Variants in SLCO3A1 observed in about 807,000 individuals in gnomAD.
SLCO3A1 encodes the protein PGE1 transporter.
A neutral mutation model predicts 63.1 loss-of-function variants in SLCO3A1; 27 were observed. The ratio of observed to expected loss-of-function variants is 0.43; its 90% CI spans 0.32 to 0.59. The LOEUF is 0.59. Among genes scored for constraint, SLCO3A1 ranks in the 20% least tolerant of loss-of-function variants. SLCO3A1 has a pLI of 0.09. For synonymous variants in SLCO3A1, 473 were observed against 409.9 expected (o/e 1.15, Z -1.86); for missense variants, 773 against 945.8 (o/e 0.82, Z 2.40).
intron 2 of SLCO3A1, among the ~76,000 whole-genome samples, chr15:92,027,786 C>T (rs939719357): frequency 1.3e-5 from 2 of 152,224 alleles, no homozygotes; most frequent in Admixed American, 1.3e-4. Flanking sequence ...ATCATGAAAA[C>T]AGGACCGCGT....
chr15:92,111,220 A>G (rs1213731933), intron 4 of SLCO3A1, among the ~76,000 whole-genome samples: 1 of 152,204 alleles, frequency 6.6e-6, no homozygotes, highest in East Asian at 1.9e-4. Flanking sequence ...GCCTGGCCAC[A>G]GGACCCACTT....
intron 2 of SLCO3A1, among the ~76,000 whole-genome samples, chr15:91,944,967 T>C (rs1899754160): frequency 6.6e-6 from 1 of 152,232 alleles, no homozygotes; most frequent in Admixed American, 6.5e-5. Context: ...GAATGAGGAC[T>C]CAGGCCCTAA....
chr15:92,096,115 G>T (rs993239328), intron 3 of SLCO3A1, among the ~76,000 whole-genome samples: 1 of 152,204 alleles, frequency 6.6e-6, no homozygotes, highest in Non-Finnish European at 1.5e-5. Flanking sequence ...TGAGGCTGCA[G>T]TCAAGGTGTT....
chr15:92,120,972 A>C (rs1214841140), intron 5 of SLCO3A1, among the ~76,000 whole-genome samples: 1 of 152,208 alleles, frequency 6.6e-6, no homozygotes, highest in Admixed American at 6.5e-5. Flanking sequence ...TCAGCCACAT[A>C]AAGTTAAGAA....
At chr15:92,057,298 C>A (rs2047033375) in intron 2 of SLCO3A1, among the ~76,000 whole-genome samples, 1 of 152,234 alleles carries the variant, frequency 6.6e-6, no homozygotes, top group African/African-American at 2.4e-5. Context: ...CCCGTCATTT[C>A]ACTGAGCAAA....
At chr15:92,079,209 A>G (rs1233579380) in intron 2 of SLCO3A1, among the ~76,000 whole-genome samples, 2 of 152,110 alleles carry the variant, frequency 1.3e-5, no homozygotes, top group African/African-American at 4.8e-5. Flanking sequence ...GGCCCACCAC[A>G]TGCATCTAGT....
rs992349898 is a variant in SLCO3A1 at position 91,967,269 on chromosome 15, T to C, written c.646+50811T>C. ...AATATTAAAATGACAATAAGAGAGGTTTTTAGTTATCAGAGCATGTTGCAG... is the reference window on the plus strand; with the variant it reads ...AATATTAAAATGACAATAAGAGAGGCTTTTAGTTATCAGAGCATGTTGCAG... On this transcript the variant is annotated intron_variant, in intron 2 of 9. Coordinates refer to ENST00000318445, the MANE Select transcript of SLCO3A1 (RefSeq NM_013272.4). This position sits in a 1 kb window ranked among gnomAD's most constrained non-coding sequence, Gnocchi z 4.4. 3.3e-5 allele frequency among the ~76,000 whole-genome samples: 5 copies of C among 151,910 alleles called. No individual in the cohort carries two copies. In the East Asian group the frequency reaches 7.7e-4, roughly 23 times the overall value.
intron 4 of SLCO3A1, among the ~76,000 whole-genome samples, chr15:92,111,133 A>G (rs1033815880): frequency 2.0e-5 from 3 of 152,248 alleles, no homozygotes; most frequent in African/African-American, 7.2e-5. Flanking sequence ...GTTCAGCAGG[A>G]GCCACAGATT....
intron 1 of SLCO3A1, among the ~76,000 whole-genome samples, chr15:91,861,718 G>A (rs2141839038): frequency 6.6e-6 from 1 of 152,140 alleles, no homozygotes; most frequent in South Asian, 2.1e-4. Flanking sequence ...TGACGTCCCA[G>A]GCTGAAATGA....
intron 2 of SLCO3A1, among the ~76,000 whole-genome samples, chr15:92,028,285 G>A (rs7170661): frequency 0.15 from 22,220 of 151,986 alleles, 2,040 homozygotes; most frequent in East Asian, 0.38. Flanking sequence ...GTCCAAATCC[G>A]AGGCCTCCAG....
chr15:91,897,842 G>C lies in SLCO3A1; in HGVS notation c.181-18151G>C, dbSNP rs1898045854. The stretch of plus-strand genomic sequence containing the variant: ...GCATCCTGCAATGGATGACATGTGA[G>C]CATGAGGATGGGTGCGGGAGGCGAA... On this transcript the variant is annotated intron_variant, in intron 1 of 9. Transcript: ENST00000318445. The surrounding 1 kb of genome is among the most constrained non-coding windows in gnomAD (Gnocchi z 4.7). 6.6e-6 allele frequency among the ~76,000 whole-genome samples: 1 copy of C among 152,214 alleles called. No homozygotes were observed. The highest frequency in any genetic ancestry group is 1.5e-5 in the Non-Finnish European group (1 of 68,034).
intron 2 of SLCO3A1, among the ~76,000 whole-genome samples, chr15:92,078,244 T>C (rs1360642979): frequency 1.3e-5 from 2 of 152,208 alleles, no homozygotes; most frequent in African/African-American, 2.4e-5. Flanking sequence ...ACTACACAAG[T>C]TGGCTTTTGG....
chr15:91,930,365 G>A (rs1899182801), intron 2 of SLCO3A1, among the ~76,000 whole-genome samples: 1 of 152,174 alleles, frequency 6.6e-6, no homozygotes, highest in South Asian at 2.1e-4. Context: ...AAAGCAGGCT[G>A]TGAACTTTAT....
intron 1 of SLCO3A1, among the ~76,000 whole-genome samples, chr15:91,874,224 A>G (rs537901605): frequency 6.6e-6 from 1 of 152,310 alleles, no homozygotes; most frequent in South Asian, 2.1e-4. Flanking sequence ...CTCTCAATAC[A>G]TCTTACTGTT....
chr15:92,150,590 C>T (rs1473340977), intron 8 of SLCO3A1, among the ~76,000 whole-genome samples: 1 of 151,386 alleles, frequency 6.6e-6, no homozygotes, highest in Non-Finnish European at 1.5e-5. Context: ...TGATGTTTTC[C>T]CCCCCATACG....
chr15:91,904,015 A>G (rs372872906), intron 1 of SLCO3A1, among the ~76,000 whole-genome samples: 4 of 124,240 alleles, frequency 3.2e-5, no homozygotes, highest in Admixed American at 8.4e-5. Flanking sequence ...TCTTCAGGAG[A>G]TGGGAAGGAG....
chr15:91,999,073 A>G (rs925807620), intron 2 of SLCO3A1, among the ~76,000 whole-genome samples: 1 of 152,214 alleles, frequency 6.6e-6, no homozygotes, highest in East Asian at 1.9e-4. Context: ...TCTTGTAAGT[A>G]CAAGCTAAAC....
chr15:92,148,629 A>C lies in SLCO3A1; in HGVS notation c.1688+1470A>C, dbSNP rs143280598. 3 of 152,336 alleles carry C rather than the reference A, an allele frequency of 2.0e-5. No individual in the cohort carries two copies. The East Asian group carries it at 5.8e-4, about 29-fold the overall frequency. 9.4% of individuals were successfully genotyped at this position (152,336 alleles called of 1,614,324 possible). On this transcript the variant is annotated intron_variant, in intron 8 of 9. Transcript: ENST00000318445. Reference sequence around the variant, plus strand: ...GAAAAGGCTATCACTCCTTTCAAAAAAGCAATATGACAGTGTGCGTCAAGA... The same window carrying C: ...GAAAAGGCTATCACTCCTTTCAAAACAGCAATATGACAGTGTGCGTCAAGA...
At chr15:91,989,165 A>G (rs1015656858) in intron 2 of SLCO3A1, among the ~76,000 whole-genome samples, 1 of 152,114 alleles carries the variant, frequency 6.6e-6, no homozygotes, top group Non-Finnish European at 1.5e-5. Flanking sequence ...AGTGTCCTCT[A>G]TTAACCTGCC....
Sources: gnomAD v4.1 joint callset for allele counts (sites outside exome capture counted in the v4.1 genomes callset) on GRCh38, gnomAD v4.1.1 for gene constraint, Gnocchi (gnomAD v3.1) non-coding constraint, MANE v1.5 for transcripts, NCBI Gene and HGNC (gene_info 2026-07-23, HGNC 2026-07-21) for gene names.